Variants in CNBD2 observed in about 807,000 individuals in gnomAD.
CNBD2 encodes cyclic nucleotide-binding domain-containing protein 2.
Under a neutral mutation model 63.7 loss-of-function variants are expected in CNBD2, and 64 were observed. The observed-to-expected ratio is 1.00, with a 90% CI of 0.82 to 1.24. CNBD2 has a LOEUF of 1.24. CNBD2 is among the 50% of genes most tolerant of loss of function. The pLI, the probability that CNBD2 is intolerant of heterozygous loss-of-function variation, is 0.00. For synonymous variants in CNBD2, 229 were observed against 255.4 expected, an observed-to-expected ratio of 0.90 and a Z score of 0.99; for missense variants, 691 against 713.5, an observed-to-expected ratio of 0.97 and a Z score of 0.36.
In CNBD2 at chr20:35,968,739, G is replaced by C; in HGVS notation, c.-24G>C. On this transcript the variant is annotated 5_prime_UTR_variant, in exon 1 of 12. Transcript: ENST00000373973. ...CCCTTGAAAGGCAAAGGGGCTAGTT[G>C]TGCCATTTGCCTGCACAGGAACCAT... is the stretch of plus-strand genomic sequence containing the variant. 2 of 1,599,344 alleles carry C rather than the reference G, an allele frequency of 1.3e-6. No individual in the cohort carries two copies. The highest frequency in any genetic ancestry group is 1.7e-6 in the Non-Finnish European group (2 of 1,172,412).
chr20:35,960,287 G>A (rs553540007), downstream of CNBD2, among the ~76,000 whole-genome samples: 84 of 133,716 alleles, frequency 6.3e-4, 1 homozygote, highest in South Asian at 0.014. Flanking sequence ...CCAGGGCCCA[G>A]CAATGAATGA....
At chr20:36,019,171 T>C (rs2057173881) in intron 10 of CNBD2, among the ~76,000 whole-genome samples, 1 of 151,846 alleles carries the variant, frequency 6.6e-6, no homozygotes, top group Admixed American at 6.6e-5. Context: ...TTAAATGGGG[T>C]AGCTAAGGGA....
downstream of CNBD2, among the ~76,000 whole-genome samples, chr20:35,956,543 T>A (rs1197398815): frequency 6.6e-6 from 1 of 152,248 alleles, no homozygotes; most frequent in Non-Finnish European, 1.5e-5. Flanking sequence ...CTCAGGTTGT[T>A]GCTTTATTTA....
intron 8 of CNBD2, among the ~76,000 whole-genome samples, chr20:35,999,514 C>T (rs1432927277): frequency 6.6e-6 from 1 of 152,034 alleles, no homozygotes; most frequent in East Asian, 1.9e-4. Context: ...TCACAGTCTA[C>T]CTTTAAGTGA....
chr20:36,006,965 G>A (rs2056992997), intron 8 of CNBD2, among the ~76,000 whole-genome samples: 1 of 152,074 alleles, frequency 6.6e-6, no homozygotes, highest in South Asian at 2.1e-4. Context: ...CGAGGCAGGT[G>A]GCTCATGAGG....
At chr20:35,975,426 G>C (rs1406198004) in intron 2 of CNBD2, among the ~76,000 whole-genome samples, 1 of 105,016 alleles carries the variant, frequency 9.5e-6, no homozygotes, top group Non-Finnish European at 2.0e-5. Flanking sequence ...TCAGCCTCCC[G>C]AGTAGCTGGG....
chr20:35,986,630 T>C (rs1328141108), intron 6 of CNBD2, among the ~76,000 whole-genome samples: 1 of 152,224 alleles, frequency 6.6e-6, no homozygotes, highest in Non-Finnish European at 1.5e-5. Flanking sequence ...TCACCTCTGG[T>C]GCCCTGACCT....
At chr20:36,009,204 C>CT (rs1241652985) in intron 9 of CNBD2, among the ~76,000 whole-genome samples, 9,136 of 140,044 alleles carry the variant, frequency 0.065, 376 homozygotes, top group Middle Eastern at 0.13. Context: ...TTGTCTCTCT[C>CT]TTTTTTTTTT....
intron 1 of CNBD2, among the ~76,000 whole-genome samples, chr20:35,970,018 T>C (rs1369588572): frequency 2.0e-5 from 3 of 152,188 alleles, no homozygotes; most frequent in Non-Finnish European, 2.9e-5. Context: ...GGCTGGGGCA[T>C]GAAGGCTCAT....
rs769280221 is a variant in CNBD2, at chr20:35,984,139, G to A, written c.564+1G>A. ...GCTGCACAAGGGTAGCTGTTTTGGG[G>A]TAAGCCCAGGGGAAGGACCCAGTTT... On this transcript the variant is annotated splice_donor_variant, in intron 5 of 11. Transcript: ENST00000373973. LOFTEE classifies it high-confidence loss of function. 6 of 1,597,264 alleles carry A rather than the reference G, an allele frequency of 3.8e-6. No homozygotes were observed. The South Asian group carries it at 6.8e-5, about 18-fold the overall frequency.
exon 1 of CNBD2, chr20:35,955,282 A>G (rs1010427917): frequency 6.6e-6 from 1 of 152,394 alleles, no homozygotes. Context: ...TGATGTAAAA[A>G]TTATCTCAAT....
At position 36,023,791 on chromosome 20, in the gene CNBD2, G is replaced by GT. The variant is rs774876154; in HGVS notation, c.1439+21dup. ...CCCCAGGTCAGTACTGGAAATGTGC[G>GT]TAAGTCCCATCAGGTGAAATGAACA... On this transcript the variant is annotated intron_variant, in intron 11 of 11. Coordinates refer to ENST00000373973, the MANE Select transcript of CNBD2 (RefSeq NM_001365709.1). The GT allele has an allele frequency of 6.4e-6, 10 of 1,565,658 alleles. No homozygotes were observed. The Admixed American group carries it at 9.6e-5, about 15-fold the overall frequency.
At chr20:36,000,662 T>A (rs1207175070) in intron 8 of CNBD2, among the ~76,000 whole-genome samples, 1 of 151,374 alleles carries the variant, frequency 6.6e-6, no homozygotes, top group Non-Finnish European at 1.5e-5. Context: ...CAGTTTCAAG[T>A]ATTCTTGTGC....
In CNBD2 at chr20:35,980,740, A is replaced by G. The variant is rs2056587474; in HGVS notation, c.407+118A>G. On this transcript the variant is annotated intron_variant, in intron 4 of 11. Transcript: ENST00000373973. ...TCTGCATAATGTCAGCCATGAATGAAGTCTTCTGTCCATTCACTTCAGCTC... is the reference window on the plus strand; with the variant it reads ...TCTGCATAATGTCAGCCATGAATGAGGTCTTCTGTCCATTCACTTCAGCTC... 3 of 917,718 alleles carry G rather than the reference A, an allele frequency of 3.3e-6. No homozygotes were observed. The African/African-American group carries it at 5.0e-5, about 15-fold the overall frequency. 56.8% of individuals were successfully genotyped at this position (917,718 alleles called of 1,614,324 possible).
chr20:35,999,006 G>A (rs2056863409), intron 8 of CNBD2, among the ~76,000 whole-genome samples: 2 of 150,958 alleles, frequency 1.3e-5, no homozygotes, highest in South Asian at 4.2e-4. Context: ...TTTATTATAT[G>A]CATAGATGTT....
intron 10 of CNBD2, among the ~76,000 whole-genome samples, chr20:36,012,592 C>T (rs1394153887): frequency 6.6e-6 from 1 of 151,808 alleles, no homozygotes; most frequent in Non-Finnish European, 1.5e-5. Context: ...GTAATCCCAA[C>T]ACTTTGGGAG....
intron 8 of CNBD2, among the ~76,000 whole-genome samples, chr20:36,002,244 A>T (rs1414107488): frequency 6.6e-6 from 1 of 152,210 alleles, no homozygotes; most frequent in Non-Finnish European, 1.5e-5. Context: ...AAAAAATACG[A>T]AAACCAGTCA....
At chr20:35,955,273 G>C (rs2056242924) in exon 1 of CNBD2, 1 of 152,394 alleles carries the variant, frequency 6.6e-6, no homozygotes, top group African/African-American at 2.4e-5. Context: ...CGAAAAAACT[G>C]ATGTAAAAAT....
At chr20:35,995,349 C>T (rs2056811259) in intron 8 of CNBD2, among the ~76,000 whole-genome samples, 197 bp downstream of exon 8, 1 of 152,012 alleles carries the variant, frequency 6.6e-6, no homozygotes, top group Non-Finnish European at 1.5e-5. Context: ...GAGCCTTTTC[C>T]CTTTTGCTGT....
Sources: gnomAD v4.1 joint callset for allele counts (sites outside exome capture counted in the v4.1 genomes callset) on GRCh38, gnomAD v4.1.1 for gene constraint, MANE v1.5 for transcripts, NCBI Gene and HGNC (gene_info 2026-07-23, HGNC 2026-07-21) for gene names.